ABCA4: variants seen among roughly 807,000 people sequenced by gnomAD.
The protein encoded by ABCA4 is ATP binding cassette subfamily A member 4.
In ABCA4, 196 loss-of-function variants were observed where a neutral mutation model predicts 263.7. That is an observed-to-expected ratio of 0.74 (90% CI 0.66 to 0.84). ABCA4 has a LOEUF of 0.84. Among genes scored for constraint, ABCA4 ranks in the 40% least tolerant of loss-of-function variants. The probability of loss-of-function intolerance (pLI) is 0.00; values close to 1 mark genes in which losing one functional copy is unlikely to be tolerated. For synonymous variants in ABCA4, 1,133 were observed against 1,094.2 expected, an observed-to-expected ratio of 1.04 and a Z score of -0.70; for missense variants, 2,792 against 2,855.1, an observed-to-expected ratio of 0.98 and a Z score of 0.50.
intron 3 of ABCA4, 66 bp downstream of exon 3, chr1:94,111,371 TG>T (rs1662597645): frequency 6.3e-7 from 1 of 1,582,694 alleles, no homozygotes; most frequent in African/African-American, 1.3e-5. Context: ...TGCACGCACG[TG>T]TGCATTTCAG....
chr1:94,091,492 C>A (rs911692307), intron 6 of ABCA4, among the ~76,000 whole-genome samples: 3 of 151,516 alleles, frequency 2.0e-5, no homozygotes, highest in Non-Finnish European at 4.4e-5. Flanking sequence ...TGTCAAAGAA[C>A]CGGAAGAGAC....
intron 20 of ABCA4, among the ~76,000 whole-genome samples, chr1:94,044,094 T>C (rs1261196607): frequency 1.6e-4 from 2 of 12,170 alleles, no homozygotes; most frequent in African/African-American, 2.0e-4. Context: ...CCCTCCCTTC[T>C]TTCCTTCCTT....
chr1:94,033,293 G>A (rs756972560), intron 26 of ABCA4, among the ~76,000 whole-genome samples: 3 of 151,786 alleles, frequency 2.0e-5, no homozygotes, highest in African/African-American at 2.4e-5. Flanking sequence ...GCACGGTGGC[G>A]TGTGCCTGTA....
intron 43 of ABCA4, 75 bp from the exon 44 acceptor site, chr1:94,005,657 C>T (rs964750756): frequency 8.2e-6 from 12 of 1,472,176 alleles, no homozygotes; most frequent in South Asian, 1.2e-5. Flanking sequence ...GCTGGAGAAG[C>T]TTCTGCCAAC....
At chr1:94,022,547 T>C (rs12087777) in intron 32 of ABCA4, among the ~76,000 whole-genome samples, 68,565 of 151,990 alleles carry the variant, frequency 0.45, 15,753 homozygotes, top group Non-Finnish European at 0.5. Context: ...GGACTTGTGC[T>C]CTGCTTCTTC....
At chr1:94,030,548 A>G in intron 28 of ABCA4, 22 bp from the exon 29 acceptor site, 2 of 1,609,620 alleles carry the variant, frequency 1.2e-6, no homozygotes, top group Non-Finnish European at 8.5e-7. Flanking sequence ...GAGACATGTG[A>G]CTGGGACAGA....
Position 94,113,051 on chromosome 1 carries a change from C to G in ABCA4, c.82G>C (p.Glu28Gln). 6.2e-7 allele frequency: 1 copy of G among 1,614,042 alleles called. No individual in the cohort carries two copies. The highest frequency in any genetic ancestry group is 8.5e-7 in the Non-Finnish European group (1 of 1,179,970). The change falls in exon 2 of 50, where the codon GAA becomes CAA. Residue 28 changes from glutamate to glutamine, a missense_variant. Physicochemically the swap from Glu to Gln is conservative, Grantham distance 29. Transcript: ENST00000370225. Reference sequence around the variant, plus strand: ...AATAAAGATAAAGGCCACACGAGTTCCACCACAAAGCGAATCTGGAAAAAC... The same window carrying G: ...AATAAAGATAAAGGCCACACGAGTTGCACCACAAAGCGAATCTGGAAAAAC... ...RKRQKIRFVV[E>Q]LVWPLSLFLV...
At position 94,000,844 on chromosome 1, in the gene ABCA4, G is replaced by C; in HGVS notation, c.6471C>G (p.Leu2157=). The C allele has an allele frequency of 4.3e-6, 7 of 1,614,186 alleles. No homozygotes were observed. The highest frequency in any genetic ancestry group is 5.9e-6 in the Non-Finnish European group (7 of 1,180,020). ...CCCCACCATCTGCTTACTTGGACTT[G>C]AGATGCTGAATGGTGCCCATACATC... ...AFRCMGTIQH[L]KSKFGDGYIV... The change falls in exon 47 of 50, where the codon CTC becomes CTG. Residue 2157 remains leucine (L), a synonymous_variant. Transcript: ENST00000370225.
At chr1:94,120,886 T>TGG in intron 1 of ABCA4, 94 bp downstream of exon 1, 2 of 155,290 alleles carry the variant, frequency 1.3e-5, no homozygotes, top group Non-Finnish European at 1.3e-5. Flanking sequence ...CCCCCCACCC[T>TGG]GCCCCACCAC....
Position 94,051,590 on chromosome 1 carries a change from G to A in ABCA4, c.2653+43C>T, listed in dbSNP as rs770747479. ...ATATACATCTTGCACAGAGCCCAAG[G>A]AGTTGATTTCAAACATTAAGATTTG... On this transcript the variant is annotated intron_variant, in intron 17 of 49. Transcript: ENST00000370225. The A allele has an allele frequency of 2.6e-6, 4 of 1,521,448 alleles. No homozygotes were observed. The African/African-American group carries it at 5.5e-5, about 21-fold the overall frequency. The allele number at this position is 1,521,448 out of a possible 1,614,324, so 94.2% of individuals were successfully genotyped here.
Position 94,108,708 on chromosome 1 carries a change from C to T in ABCA4, c.311G>A (p.Arg104Lys). ...GAGTTCTTGAAAATCTCGATATACC[C>T]TTGCCAAGCTGTAAGGACAAAGCCT... ...VSNYNNSILA[R>K]VYRDFQELLM... Residue 104 changes from arginine (R) to lysine (K), a missense_variant, in exon 4 of 50, where the codon AGG (arginine) becomes AAG (lysine). Physicochemically the swap from Arg to Lys is conservative, Grantham distance 26 (BLOSUM62 2). Transcript: ENST00000370225. The T allele has an allele frequency of 6.2e-7, 1 of 1,613,974 alleles. No individual in the cohort carries two copies. The highest frequency in any genetic ancestry group is 8.5e-7 in the Non-Finnish European group (1 of 1,180,028).
chr1:94,019,125 A>C (rs72958447), intron 36 of ABCA4, among the ~76,000 whole-genome samples: 2,233 of 149,450 alleles, frequency 0.015, 46 homozygotes, highest in African/African-American at 0.052. Flanking sequence ...ATTAAATTTA[A>C]CTGGGTGTCC....
At chr1:94,046,272 G>C (rs1392228795) in intron 19 of ABCA4, among the ~76,000 whole-genome samples, 3 of 111,638 alleles carry the variant, frequency 2.7e-5, no homozygotes, top group Non-Finnish European at 3.6e-5. Flanking sequence ...GTGAAACCCT[G>C]TCTGTACTAA....
intron 14 of ABCA4, among the ~76,000 whole-genome samples, chr1:94,057,281 C>G (rs1296943028): frequency 6.6e-6 from 1 of 152,160 alleles, no homozygotes; most frequent in Non-Finnish European, 1.5e-5. Flanking sequence ...CTGGAATCAA[C>G]TCTAACATTT....
At position 94,021,911 on chromosome 1, in the gene ABCA4, G is replaced by A. The variant is rs766707707; in HGVS notation, c.4708C>T (p.Pro1570Ser). 11 of 1,614,154 alleles carry A rather than the reference G, an allele frequency of 6.8e-6. No individual in the cohort carries two copies. The East Asian group carries it at 2.5e-4, about 36-fold the overall frequency. ...CCAACAAGTGCTTCCCCCGTGATGGGGACGACTGGGAGCTTTCCTCCAATG... is the reference window on the plus strand; with the variant it reads ...CCAACAAGTGCTTCCCCCGTGATGGAGACGACTGGGAGCTTTCCTCCAATG... Reference protein sequence around the residue: ...ISIGGKLPVVPITGEALVGFL... With the variant: ...ISIGGKLPVVSITGEALVGFL... The change falls in exon 33 of 50, where the codon CCC becomes TCC. Residue 1570 changes from proline (P) to serine (S), a missense_variant. Coordinates refer to ENST00000370225, the MANE Select transcript of ABCA4 (RefSeq NM_000350.3).
intron 8 of ABCA4, among the ~76,000 whole-genome samples, chr1:94,079,732 C>A (rs763553487): frequency 6.6e-6 from 1 of 152,146 alleles, no homozygotes; most frequent in Non-Finnish European, 1.5e-5. Flanking sequence ...GGCTGAGAAG[C>A]CTGCCTCTGA....
Position 94,107,783 on chromosome 1 carries a change from C to T in ABCA4, c.442+794G>A, listed in dbSNP as rs147083751. Among the ~76,000 whole-genome samples the T allele has an allele frequency of 4.1e-4, 62 of 152,316 alleles. No homozygotes were observed. The East Asian group carries it at 0.011, about 28-fold the overall frequency. ...GGCCAGTCATCACCCACCCTACCTT[C>T]GAAATCCTGAATTCACATATTTCAC... is the stretch of plus-strand genomic sequence containing the variant. On this transcript the variant is annotated intron_variant, in intron 4 of 49. Coordinates refer to ENST00000370225, the MANE Select transcript of ABCA4 (RefSeq NM_000350.3).
chr1:94,076,366 C>A lies in ABCA4; in HGVS notation c.1554+1324G>T, dbSNP rs576803421. Among the ~76,000 whole-genome samples the A allele has an allele frequency of 2.0e-5, 3 of 152,212 alleles. No homozygotes were observed. The South Asian group carries it at 6.2e-4, about 32-fold the overall frequency. On this transcript the variant is annotated intron_variant, in intron 11 of 49. Transcript: ENST00000370225. ...GGCCAGAGATGAAGCTGAGCAGAGG[C>A]GAGTAGAAAAGTGAGGTGGAAGGAC...
chr1:94,029,265 T>G (rs1660130787), intron 30 of ABCA4, among the ~76,000 whole-genome samples, 180 bp downstream of exon 30: 1 of 152,190 alleles, frequency 6.6e-6, no homozygotes, highest in African/African-American at 2.4e-5. Context: ...CTTCCTCCAG[T>G]TGGCAGCCAC....
Sources: allele counts gnomAD v4.1 joint callset (sites outside exome capture counted in the v4.1 genomes callset), GRCh38; gene constraint gnomAD v4.1.1; transcripts MANE v1.5; gene names NCBI Gene and HGNC (gene_info 2026-07-23, HGNC 2026-07-21).